NLGN4Y: variants seen among roughly 807,000 people sequenced by gnomAD.
The protein encoded by NLGN4Y is neuroligin-4, Y-linked.
A neutral mutation model predicts 8.4 loss-of-function variants in NLGN4Y; 4 were observed. The observed-to-expected ratio is 0.48, with a 90% confidence interval of 0.23 to 1.09. The LOEUF (loss-of-function observed/expected upper bound fraction) is 1.09, where lower values mean the gene tolerates loss of function less well. Ranked by LOEUF, NLGN4Y falls within the 50% of genes least tolerant of loss-of-function variation. The pLI, the probability that NLGN4Y is intolerant of heterozygous loss-of-function variation, is 0.19. For missense variants in NLGN4Y, 90 were observed against 192.3 expected, an observed-to-expected ratio of 0.47 and a Z score of 3.15; for synonymous variants, 35 against 75.6, an observed-to-expected ratio of 0.46 and a Z score of 2.78.
chrY:14,610,742 A>T (rs2080464472), intron 1 of NLGN4Y, among the ~76,000 whole-genome samples: 2 of 32,616 alleles, frequency 6.1e-5, no homozygotes, highest in Non-Finnish European at 1.5e-4. Flanking sequence ...AGCTGAGTTC[A>T]AGTCCTGAAT....
At chrY:14,590,462 T>C (rs2080366326) in intron 1 of NLGN4Y, among the ~76,000 whole-genome samples, 1 of 33,613 alleles carries the variant, frequency 3.0e-5, no homozygotes, top group Non-Finnish European at 7.4e-5. Flanking sequence ...TGTGGTATCC[T>C]TCAGAGGGGA....
chrY:14,813,687 G>T (rs941850667), intron 4 of NLGN4Y, among the ~76,000 whole-genome samples: 2 of 33,438 alleles, frequency 6.0e-5, no homozygotes, highest in African/African-American at 1.2e-4. Context: ...TTTGGGTGGG[G>T]ACACAGCCAA....
chrY:14,713,298 T>C (rs771825386), intron 2 of NLGN4Y, among the ~76,000 whole-genome samples: 2 of 33,926 alleles, frequency 5.9e-5, no homozygotes, highest in East Asian at 1.6e-3. Flanking sequence ...CTGATGACTT[T>C]CTCTGATGAT....
chrY:14,529,992 CATATAT>C (rs368762978), intron 1 of NLGN4Y, among the ~76,000 whole-genome samples: 3 of 20,749 alleles, frequency 1.4e-4, no homozygotes, highest in Non-Finnish European at 3.4e-4. Flanking sequence ...CATATATGTA[CATATAT>C]ATATATATAT....
At chrY:14,606,933 AT>A (rs2080448841) in intron 1 of NLGN4Y, among the ~76,000 whole-genome samples, 1 of 32,725 alleles carries the variant, frequency 3.1e-5, no homozygotes, top group Non-Finnish European at 7.5e-5. Flanking sequence ...GATTTGTGGC[AT>A]CCCCTTTTTA....
intron 4 of NLGN4Y, among the ~76,000 whole-genome samples, chrY:14,753,481 A>G: frequency 3.3e-5 from 1 of 30,177 alleles, no homozygotes; most frequent in Admixed American, 3.4e-4. Context: ...ATTTTATTAT[A>G]TATATATTAC....
intron 4 of NLGN4Y, chrY:14,801,400 G>T (rs2043030134): frequency 3.7e-5 from 1 of 27,374 alleles, no homozygotes; most frequent in Non-Finnish European, 8.7e-5. Context: ...TATTCCTCCT[G>T]TTTTTTTTTT....
In NLGN4Y at chrY:14,756,333, A is replaced by G. The variant is rs747358662; in HGVS notation, c.685+33064A>G. ...TATGTCTTTATCCACTTCTTGAACA[A>G]TTTTCTCGTTGAATTTTAATTTTAC... On this transcript the variant is annotated intron_variant, in intron 4 of 6. Transcript: ENST00000684976. Among the ~76,000 whole-genome samples, 17 of 33,424 alleles carry G rather than the reference A, an allele frequency of 5.1e-4. No individual in the cohort carries two copies. The South Asian group carries it at 0.011, about 22-fold the overall frequency. 89.7% of individuals were successfully genotyped at this position (33,424 alleles called of 37,273 possible).
intron 4 of NLGN4Y, among the ~76,000 whole-genome samples, chrY:14,724,941 C>T: frequency 3.0e-5 from 1 of 33,123 alleles, no homozygotes; most frequent in Admixed American, 2.8e-4. Context: ...CTTGCCAGGC[C>T]TCCTTTCCTT....
At chrY:14,701,315 A>G in intron 2 of NLGN4Y, among the ~76,000 whole-genome samples, 7 of 32,838 alleles carry the variant, frequency 2.1e-4, no homozygotes, top group Admixed American at 2.0e-3. Flanking sequence ...GTAACAAAAT[A>G]AATAACGTAG....
intron 2 of NLGN4Y, chrY:14,640,045 C>T (rs2080584652): frequency 2.4e-5 from 3 of 123,550 alleles, no homozygotes; most frequent in Non-Finnish European, 3.5e-5. Flanking sequence ...TCCATCACAA[C>T]ACAGAAAAAT....
At chrY:14,578,131 G>A (rs772241099) in intron 1 of NLGN4Y, among the ~76,000 whole-genome samples, 15 of 31,777 alleles carry the variant, frequency 4.7e-4, no homozygotes, top group African/African-American at 1.9e-3. Flanking sequence ...TGTTGATGAC[G>A]CGTTGATGGG....
At chrY:14,685,624 T>C in intron 2 of NLGN4Y, among the ~76,000 whole-genome samples, 1 of 33,286 alleles carries the variant, frequency 3.0e-5, no homozygotes. Context: ...ATCTGTATAC[T>C]TTTGATAGTT....
At chrY:14,813,633 C>A (rs1603504292) in intron 4 of NLGN4Y, among the ~76,000 whole-genome samples, 2 of 33,676 alleles carry the variant, frequency 5.9e-5, no homozygotes, top group East Asian at 1.6e-3. Flanking sequence ...AAAGGCCAAT[C>A]TGTACTATTC....
chrY:14,789,592 G>A, intron 4 of NLGN4Y, among the ~76,000 whole-genome samples: 1 of 32,520 alleles, frequency 3.1e-5, no homozygotes, highest in Admixed American at 2.8e-4. Flanking sequence ...ACAGAATCTT[G>A]TTCAGGCTTG....
intron 4 of NLGN4Y, among the ~76,000 whole-genome samples, chrY:14,729,125 A>G (rs2080963877): frequency 3.0e-5 from 1 of 33,653 alleles, no homozygotes; most frequent in Admixed American, 2.7e-4. Context: ...AATTGAAATC[A>G]TACTCTCTAT....
At chrY:14,528,718 G>T (rs2080101196) in intron 1 of NLGN4Y, among the ~76,000 whole-genome samples, 1 of 33,343 alleles carries the variant, frequency 3.0e-5, no homozygotes, top group South Asian at 6.8e-4. Flanking sequence ...GACAGGAAAA[G>T]AGTAATCGTC....
At chrY:14,650,352 T>C in intron 2 of NLGN4Y, among the ~76,000 whole-genome samples, 1 of 33,438 alleles carries the variant, frequency 3.0e-5, no homozygotes, top group Non-Finnish European at 7.4e-5. Flanking sequence ...CTCTGAGTTT[T>C]ACATGTTGTA....
chrY:14,569,099 G>A, intron 1 of NLGN4Y, among the ~76,000 whole-genome samples: 1 of 33,094 alleles, frequency 3.0e-5, no homozygotes, highest in South Asian at 6.7e-4. Context: ...GAACGAAGAC[G>A]CAAAGATAAG....
Sources: allele counts gnomAD v4.1 joint callset (sites outside exome capture counted in the v4.1 genomes callset), GRCh38; gene constraint gnomAD v4.1.1; transcripts MANE v1.5; gene names NCBI Gene and HGNC (gene_info 2026-07-23, HGNC 2026-07-21).